The following SH3D21 variants were observed in gnomAD, a reference collection of about 807,000 sequenced individuals.
SH3D21 encodes the protein SH3 domain-containing protein 21.
SH3D21 carries 83 observed loss-of-function variants against 82.1 expected under a neutral mutation model. The observed-to-expected ratio is 1.01, with a 90% CI of 0.85 to 1.21. The LOEUF is 1.21. SH3D21 is among the 50% of genes most tolerant of loss of function. SH3D21 has a pLI of 0.00. For synonymous variants in SH3D21, 383 were observed against 387.8 expected (o/e 0.99, Z 0.15); for missense variants, 980 against 962.1 (o/e 1.02, Z -0.25).
chr1:36,326,218 TTTTC>T (rs202159246), downstream of SH3D21, among the ~76,000 whole-genome samples: 12 of 136,316 alleles, frequency 8.8e-5, no homozygotes, highest in African/African-American at 2.6e-4. Context: ...TTGATGAGCT[TTTTC>T]TTTCTTTCTT....
At position 36,320,943 on chromosome 1, in the gene SH3D21, C is replaced by T. The variant is rs1479196880; in HGVS notation, c.2164C>T (p.Leu722=). Residue 722 remains leucine (L), a synonymous_variant, in exon 15 of 16, where the codon CTG becomes TTG. Transcript: ENST00000453908. The part of the protein sequence containing the change: ...ERKLTDIWEE[L]KSEKEQRRRL... ...GAAGCTGACCGACATCTGGGAGGAGCTGAAGAGCGAGAAGGAGCAGCGCCG... is the reference window on the plus strand; with the variant it reads ...GAAGCTGACCGACATCTGGGAGGAGTTGAAGAGCGAGAAGGAGCAGCGCCG... 5 of 1,568,504 alleles carry T rather than the reference C, an allele frequency of 3.2e-6. No homozygotes were observed. Among genetic ancestry groups the T allele is most frequent in the Non-Finnish European group, 3.5e-6 (4 of 1,156,728 alleles).
downstream of SH3D21, chr1:36,328,883 C>A (rs1007118802): frequency 1.3e-5 from 2 of 152,436 alleles, no homozygotes; most frequent in East Asian, 3.8e-4. Flanking sequence ...CTTCAGTCTT[C>A]CCAGGAACCC....
chr1:36,320,606 C>T lies in SH3D21; in HGVS notation c.1943C>T (p.Pro648Leu). ...GTGGCTCCAAAAGAGGAGGTGCCCC[C>T]CATAGAAAGAGCCTTTGCCCAAAAA... ...EEVAPKEEVP[P>L]IERAFAQKTR... The change falls in exon 14 of 16, where the codon CCC (proline) becomes CTC (leucine). Residue 648 changes from proline to leucine, a missense_variant. Physicochemically the swap from Pro to Leu is moderately conservative, Grantham distance 98. Transcript: ENST00000453908. 1.2e-6 allele frequency: 2 copies of T among 1,614,242 alleles called. No individual in the cohort carries two copies. Among genetic ancestry groups the T allele is most frequent in the Non-Finnish European group, 1.7e-6 (2 of 1,180,046 alleles).
At chr1:36,323,027 G>C (rs767137555), downstream of SH3D21, 10 of 1,600,026 alleles carry the variant, frequency 6.2e-6, no homozygotes, top group South Asian at 1.1e-4. Context: ...GTCCCTTCGC[G>C]GGGCATCCAT....
In SH3D21 at chr1:36,320,241, C is replaced by T; in HGVS notation, c.1578C>T (p.Ser526=). 6.2e-7 allele frequency: 1 copy of T among 1,613,028 alleles called. No homozygotes were observed. The highest frequency in any genetic ancestry group is 8.5e-7 in the Non-Finnish European group (1 of 1,179,962). The change falls in exon 14 of 16, where the codon TCC becomes TCT. Residue 526 remains serine (S), a synonymous_variant. Transcript: ENST00000453908. The part of the protein sequence containing the change: ...KYFVAKEDPS[S]QEEAHTPEAP... ...TTGTAGCCAAAGAGGATCCATCATC[C>T]CAGGAGGAGGCCCACACGCCAGAGG...
intron 10 of SH3D21, among the ~76,000 whole-genome samples, chr1:36,316,171 G>A (rs993209893): frequency 2.6e-5 from 4 of 152,164 alleles, no homozygotes; most frequent in African/African-American, 9.7e-5. Flanking sequence ...TTTAATCTGT[G>A]GGACTCTTGC....
chr1:36,306,728 T>TG lies in SH3D21; in HGVS notation c.137dup (p.Leu47ProfsTer71), dbSNP rs1646129016. ...TTCGCGGAGAGTTTGGGGGCCGCTA[T>TG]GGCCTCTTCCCCGAGCGCCTGGTGC... is the stretch of plus-strand genomic sequence containing the variant. On this transcript the variant is annotated frameshift_variant, in exon 2 of 16. Coordinates refer to ENST00000453908, the MANE Select transcript of SH3D21 (RefSeq NM_001162530.2). LOFTEE classifies it high-confidence loss of function. This position sits in a 1 kb window ranked among gnomAD's most constrained non-coding sequence, Gnocchi z 4.5. 7.7e-7 allele frequency: 1 copy of TG among 1,290,896 alleles called. No homozygotes were observed. Among genetic ancestry groups the TG allele is most frequent in the South Asian group, 1.2e-5 (1 of 80,662 alleles). 80.0% of individuals were successfully genotyped at this position (1,290,896 alleles called of 1,614,324 possible).
downstream of SH3D21, chr1:36,322,341 G>T: frequency 6.3e-7 from 1 of 1,576,954 alleles, no homozygotes. Context: ...CGTGGGGCTG[G>T]GCCCCAGCGT....
At position 36,319,455 on chromosome 1, in the gene SH3D21, C is replaced by T; in HGVS notation, c.930C>T (p.Gly310=). Residue 310 remains glycine, a synonymous_variant, in exon 13 of 16, where the codon GGC becomes GGT. Coordinates refer to ENST00000453908, the MANE Select transcript of SH3D21 (RefSeq NM_001162530.2). The stretch of plus-strand genomic sequence containing the variant: ...CTGCTCTCTTAGGCCCCAATGGTGG[C>T]TTCCAAAGTGGGGGTTCGTATCACC... The part of the protein sequence containing the change: ...LTSRDSGPNG[G]FQSGGSYHPG... 6.4e-7 allele frequency: 1 copy of T among 1,551,646 alleles called. No homozygotes were observed. The highest frequency in any genetic ancestry group is 1.2e-5 in the South Asian group (1 of 84,064).
chr1:36,327,899 C>A, downstream of SH3D21: 1 of 1,285,824 alleles, frequency 7.8e-7, no homozygotes, highest in Non-Finnish European at 1.0e-6. Context: ...CTGCCTGCTG[C>A]TCCCCAGCCC....
At chr1:36,324,959 A>G (rs1157944010), downstream of SH3D21, 1 of 152,240 alleles carries the variant, frequency 6.6e-6, no homozygotes, top group Non-Finnish European at 1.5e-5. Flanking sequence ...CATCAAAAAT[A>G]TTCAAAACCA....
chr1:36,312,878 A>AT (rs1394913195), intron 10 of SH3D21, among the ~76,000 whole-genome samples: 1 of 152,016 alleles, frequency 6.6e-6, no homozygotes, highest in African/African-American at 2.4e-5. Flanking sequence ...ATCCAGCTAA[A>AT]TTTTTTTGTA....
downstream of SH3D21, chr1:36,327,833 A>G (rs1646560300): frequency 1.6e-6 from 2 of 1,288,452 alleles, no homozygotes; most frequent in African/African-American, 1.5e-5. Flanking sequence ...ACCTTTGGCC[A>G]ATGTGGCTGT....
chr1:36,309,978 G>A (rs1313742994), intron 10 of SH3D21, among the ~76,000 whole-genome samples: 2 of 151,730 alleles, frequency 1.3e-5, no homozygotes, highest in South Asian at 2.1e-4. Flanking sequence ...TTTTTGAGAC[G>A]GAGTCTCACT....
intron 10 of SH3D21, among the ~76,000 whole-genome samples, chr1:36,314,820 G>C (rs1229339357): frequency 2.6e-5 from 4 of 151,516 alleles, no homozygotes; most frequent in African/African-American, 9.7e-5. Context: ...CTATTTTTTT[G>C]GTTGGCTGTG....
At chr1:36,324,256 G>C (rs977075033), downstream of SH3D21, 8 of 152,304 alleles carry the variant, frequency 5.3e-5, no homozygotes, top group South Asian at 2.1e-4. Flanking sequence ...ACCCCAGCGT[G>C]GGGCCTCTGT....
rs987048187 is a variant in SH3D21 at position 36,309,605 on chromosome 1, A to G, written c.769+15A>G. ...TCGGGAATCAGGTGAGTGCCCGGGGAGCCTGGGATTGGGGGGTGTTCTCTG... is the reference window on the plus strand; with the variant it reads ...TCGGGAATCAGGTGAGTGCCCGGGGGGCCTGGGATTGGGGGGTGTTCTCTG... On this transcript the variant is annotated intron_variant, in intron 10 of 15. Transcript: ENST00000453908. 3.0e-5 allele frequency: 46 copies of G among 1,551,368 alleles called. No homozygotes were observed. The Admixed American group carries it at 8.8e-4, about 30-fold the overall frequency.
At chr1:36,322,467 T>G (rs1570411545), downstream of SH3D21, 4 of 1,604,694 alleles carry the variant, frequency 2.5e-6, no homozygotes, top group South Asian at 4.4e-5. Flanking sequence ...GACGTTGACG[T>G]TGAGGGGCCC....
rs750047427 is a variant in SH3D21 at position 36,319,874 on chromosome 1, C to T, written c.1211C>T (p.Ser404Leu). 8.6e-5 allele frequency: 139 copies of T among 1,613,856 alleles called. No homozygotes were observed. The highest frequency in any genetic ancestry group is 3.3e-4 in the Admixed American group (20 of 59,972). Residue 404 changes from serine to leucine, a missense_variant, in exon 14 of 16, where the codon TCG (serine) becomes TTG (leucine). Coordinates refer to ENST00000453908, the MANE Select transcript of SH3D21 (RefSeq NM_001162530.2). ...DKASIPGNST[S>L]GKIPAPDKVP... ...GCCTCTATCCCAGGGAACTCCACCT[C>T]GGGGAAGATCCCAGCTCCTGACAAA... is the stretch of plus-strand genomic sequence containing the variant.
Sources: gnomAD v4.1 joint callset for allele counts (sites outside exome capture counted in the v4.1 genomes callset) on GRCh38, gnomAD v4.1.1 for gene constraint, Gnocchi (gnomAD v3.1) non-coding constraint, MANE v1.5 for transcripts, NCBI Gene and HGNC (gene_info 2026-07-23, HGNC 2026-07-21) for gene names.